CEP290: variants seen among roughly 807,000 people sequenced by gnomAD.
CEP290 encodes centrosomal protein of 290 kDa.
A neutral mutation model predicts 344.9 loss-of-function variants in CEP290; 317 were observed. The observed-to-expected ratio is 0.92, with a 90% CI of 0.84 to 1.01. The LOEUF is 1.01. CEP290 is among the 50% of genes least tolerant of loss of function. The pLI is 0.00. For missense variants in CEP290, 2,754 were observed against 2,761.4 expected, an observed-to-expected ratio of 1.00 and a Z score of 0.06; for synonymous variants, 932 against 895.8, an observed-to-expected ratio of 1.04 and a Z score of -0.72.
chr12:88,079,252 ATGT>A, intron 38 of CEP290, 23 bp from the exon 39 acceptor site: 1 of 1,555,556 alleles, frequency 6.4e-7, no homozygotes, highest in Non-Finnish European at 8.6e-7. Flanking sequence ...CAAAAAAAAA[ATGT>A]AATTTTTAAA....
chr12:88,114,551 C>T lies in CEP290; in HGVS notation c.1921G>A (p.Val641Ile), dbSNP rs886049883. ...TCTTCAAGTTGCTTATTTTCTTCAA[C>T]TAATTCTTTTACTGTAATTACACAG... Reference protein sequence around the residue: ...AKFQNKLKELVEENKQLEEGM... With the variant: ...AKFQNKLKELIEENKQLEEGM... Residue 641 changes from valine to isoleucine, a missense_variant, in exon 20 of 54, where the codon GTT (valine) becomes ATT (isoleucine). Transcript: ENST00000552810. The T allele has an allele frequency of 3.2e-6, 5 of 1,539,580 alleles. No homozygotes were observed. Among genetic ancestry groups the T allele is most frequent in the Non-Finnish European group, 3.5e-6 (4 of 1,142,112 alleles).
In CEP290 at chr12:88,086,838, C is replaced by T. The variant is rs115471416; in HGVS notation, c.4195-340G>A. ...AAACAAAACCAAGTCCGTGTCACCA[C>T]GGAACTTGCATTCTGGCGAAGGAAA... On this transcript the variant is annotated intron_variant, in intron 32 of 53. Transcript: ENST00000552810. Among the ~76,000 whole-genome samples the T allele has an allele frequency of 7.6e-3, 1,156 of 152,264 alleles. 20 individuals carry two copies. The highest frequency in any genetic ancestry group is 0.027 in the African/African-American group (1,103 of 41,564).
chr12:88,084,069 A>G (rs1355536504), intron 35 of CEP290, 115 bp from the exon 36 acceptor site: 1 of 667,466 alleles, frequency 1.5e-6, no homozygotes, highest in African/African-American at 1.8e-5. Context: ...GATGAGGAAG[A>G]AACAGTATCT....
intron 28 of CEP290, among the ~76,000 whole-genome samples, chr12:88,093,212 G>A (rs985412021): frequency 1.3e-5 from 2 of 152,036 alleles, no homozygotes; most frequent in Admixed American, 6.6e-5. Context: ...TAGTGACATA[G>A]TTAAAACAAA....
At chr12:88,073,571 G>A (rs1343734852) in intron 41 of CEP290, among the ~76,000 whole-genome samples, 1 of 152,038 alleles carries the variant, frequency 6.6e-6, no homozygotes, top group Non-Finnish European at 1.5e-5. Flanking sequence ...ATAGTAAAGG[G>A]GAAATTATGA....
At chr12:88,106,279 A>AT (rs2038272762) in intron 25 of CEP290, among the ~76,000 whole-genome samples, 1 of 152,210 alleles carries the variant, frequency 6.6e-6, no homozygotes, top group Non-Finnish European at 1.5e-5. Context: ...ATCTTCAAAC[A>AT]TTTTTTGGAG....
At chr12:88,130,684 G>A in intron 7 of CEP290, 119 bp from the exon 8 acceptor site, 1 of 672,056 alleles carries the variant, frequency 1.5e-6, no homozygotes, top group South Asian at 2.9e-5. Flanking sequence ...ATATTATCTT[G>A]AATAACCAAA....
Position 88,059,841 on chromosome 12 carries a change from C to T in CEP290, c.6645+57G>A, listed in dbSNP as rs926204180. 1.9e-4 allele frequency: 267 copies of T among 1,419,186 alleles called. No homozygotes were observed. In the African/African-American group the frequency reaches 3.4e-3, roughly 18 times the overall value. The allele number at this position is 1,419,186 out of a possible 1,614,324, so 87.9% of individuals were successfully genotyped here. A position where few individuals can be genotyped will look rare whatever the true frequency, so the allele number is the denominator to read the frequency against. On this transcript the variant is annotated intron_variant, in intron 48 of 53. Transcript: ENST00000552810. ...ATCAAGGATCTACTTCCAGTTTTTC[C>T]AAGAGGTATTAAGTAAAATAAAAAT...
At chr12:88,138,472 C>G (rs2040462001) in intron 5 of CEP290, among the ~76,000 whole-genome samples, 1 of 152,164 alleles carries the variant, frequency 6.6e-6, no homozygotes, top group Non-Finnish European at 1.5e-5. Context: ...GACTAGAACT[C>G]AAATCTGTCT....
At position 88,086,039 on chromosome 12, in the gene CEP290, C is replaced by G; in HGVS notation, c.4437G>C (p.Glu1479Asp). Residue 1479 changes from glutamate (E) to aspartate (D), a missense_variant and splice_region_variant, in exon 34 of 54, where the codon GAG becomes GAC. Coordinates refer to ENST00000552810, the MANE Select transcript of CEP290 (RefSeq NM_025114.4). ...TCAAAATGCAAATTCTTCTAATTAC[C>G]TCTTCTAGTGATTTGCAAGTTGCCC... ...ETRATCKSLE[E>D]KLKEKESALR... 6.2e-7 allele frequency: 1 copy of G among 1,606,458 alleles called. No homozygotes were observed.
intron 19 of CEP290, 59 bp downstream of exon 19, chr12:88,115,039 C>T (rs897248593): frequency 2.3e-6 from 2 of 871,180 alleles, no homozygotes; most frequent in Admixed American, 6.0e-5. Flanking sequence ...CCTTTTAGGC[C>T]CATGATTTTA....
chr12:88,117,295 A>C lies in CEP290; in HGVS notation c.1712-150T>G. 9.3e-6 allele frequency: 5 copies of C among 540,494 alleles called. No homozygotes were observed. In the South Asian group the frequency reaches 1.4e-4, roughly 15 times the overall value. The allele number at this position is 540,494 out of a possible 1,614,324, so 33.5% of individuals were successfully genotyped here. On this transcript the variant is annotated intron_variant, in intron 17 of 53. Coordinates refer to ENST00000552810, the MANE Select transcript of CEP290 (RefSeq NM_025114.4). ...CTCCAAAATTCTACATAGCCAATACAAGCTTCTCATTTAGCTCACTTTTAA... is the reference window on the plus strand; with the variant it reads ...CTCCAAAATTCTACATAGCCAATACCAGCTTCTCATTTAGCTCACTTTTAA...
At position 88,079,241 on chromosome 12, in the gene CEP290, C is replaced by G. The variant is rs1325132664; in HGVS notation, c.5227-12G>C. On this transcript the variant is annotated splice_polypyrimidine_tract_variant and intron_variant, in intron 38 of 53. Coordinates refer to ENST00000552810, the MANE Select transcript of CEP290 (RefSeq NM_025114.4). ...GCCCGACTAAGTGCCTAAAAATTAA[C>G]CAAAAAAAAAATGTAATTTTTAAAG... is the stretch of plus-strand genomic sequence containing the variant. The G allele has an allele frequency of 6.4e-7, 1 of 1,555,970 alleles. No homozygotes were observed. Among genetic ancestry groups the G allele is most frequent in the African/African-American group, 1.4e-5 (1 of 70,526 alleles).
chr12:88,087,802 T>A lies in CEP290; in HGVS notation c.4172A>T (p.Glu1391Val). ...AACCTTGTTCTGTTGCACAATTTCT[T>A]CTTCAAGACTGCTGATTGTACGTTC... Reference protein sequence around the residue: ...EYERTISSLEEEIVQQNKFHE... With the variant: ...EYERTISSLEVEIVQQNKFHE... Residue 1391 changes from glutamate to valine, a missense_variant, in exon 32 of 54, where the codon GAA (glutamate) becomes GTA (valine). Physicochemically the swap from Glu to Val is moderately radical, Grantham distance 121. Transcript: ENST00000552810. The A allele has an allele frequency of 7.8e-7, 1 of 1,279,746 alleles. No homozygotes were observed. Among genetic ancestry groups the A allele is most frequent in the Non-Finnish European group, 1.0e-6 (1 of 991,414 alleles). 79.3% of individuals were successfully genotyped at this position (1,279,746 alleles called of 1,614,324 possible).
intron 29 of CEP290, among the ~76,000 whole-genome samples, chr12:88,091,557 C>T (rs934793775): frequency 3.3e-5 from 5 of 152,022 alleles, no homozygotes; most frequent in African/African-American, 1.2e-4. Flanking sequence ...GGCAGGTTTC[C>T]TCATACTGAT....
In CEP290 at chr12:88,079,143, C is replaced by T. The variant is rs2137081165; in HGVS notation, c.5313G>A (p.Glu1771=). The change falls in exon 39 of 54, where the codon GAG becomes GAA. Residue 1771 remains glutamate, a synonymous_variant. Transcript: ENST00000552810. Reference sequence around the variant, plus strand: ...CGATTTGTTGAACATTGAGATGGGCCTCTTTTTGAGAAGTTGCAGAAATAA... The same window carrying T: ...CGATTTGTTGAACATTGAGATGGGCTTCTTTTTGAGAAGTTGCAGAAATAA... ...ERIISATSQK[E]AHLNVQQIVD... The T allele has an allele frequency of 6.3e-7, 1 of 1,597,792 alleles. No homozygotes were observed.
In CEP290 at chr12:88,096,912, C is replaced by T. The variant is rs1168283001; in HGVS notation, c.3079G>A (p.Ala1027Thr). 1 of 1,572,912 alleles carries T rather than the reference C, an allele frequency of 6.4e-7. No individual in the cohort carries two copies. The highest frequency in any genetic ancestry group is 1.2e-5 in the South Asian group (1 of 85,226). Reference sequence around the variant, plus strand: ...CCTAATTTAGTTTCCTGTTCCCAGGCTTGTTCAATAGTGTGAAGTTTTTCC... The same window carrying T: ...CCTAATTTAGTTTCCTGTTCCCAGGTTTGTTCAATAGTGTGAAGTTTTTCC... The part of the protein sequence containing the change: ...TKEKLHTIEQ[A>T]WEQETKLGNE... The change falls in exon 27 of 54, where the codon GCC becomes ACC. Residue 1027 changes from alanine to threonine, a missense_variant. Ala to Thr is a moderately conservative substitution (Grantham distance 58). Transcript: ENST00000552810.
chr12:88,135,361 T>C (rs2040298864), intron 6 of CEP290, among the ~76,000 whole-genome samples: 1 of 152,116 alleles, frequency 6.6e-6, no homozygotes, highest in South Asian at 2.1e-4. Context: ...GGGTGTGTGG[T>C]ATGAATGATA....
chr12:88,140,350 GA>G lies in CEP290; in HGVS notation c.180+605del, dbSNP rs1035420198. On this transcript the variant is annotated intron_variant, in intron 3 of 53. Transcript: ENST00000552810. ...TTTTTGTACCTATCAATTGTGTTTC[GA>G]AAACCTTTACTGCCTTCTCAATTGC... Among the ~76,000 whole-genome samples, 165 of 152,088 alleles carry G rather than the reference GA, an allele frequency of 1.1e-3. 1 individual carries two copies. The highest frequency in any genetic ancestry group is 3.9e-3 in the African/African-American group (161 of 41,468).
Sources: gnomAD v4.1 joint callset for allele counts (sites outside exome capture counted in the v4.1 genomes callset) on GRCh38, gnomAD v4.1.1 for gene constraint, MANE v1.5 for transcripts, NCBI Gene and HGNC (gene_info 2026-07-23, HGNC 2026-07-21) for gene names.